Variants in BRINP1 observed in about 807,000 individuals in gnomAD.
The protein encoded by BRINP1 is BMP/retinoic acid-inducible neural-specific protein 1.
A neutral mutation model predicts 72.9 loss-of-function variants in BRINP1; 17 were observed. The observed-to-expected ratio is 0.23, with a 90% CI of 0.16 to 0.35. The LOEUF (loss-of-function observed/expected upper bound fraction) is 0.35, where lower values mean the gene tolerates loss of function less well. Among genes scored for constraint, BRINP1 ranks in the 10% least tolerant of loss-of-function variants. The probability of loss-of-function intolerance (pLI) is 1.00; values close to 1 mark genes in which losing one functional copy is unlikely to be tolerated. For synonymous variants in BRINP1, 418 were observed against 378.5 expected (o/e 1.10, Z -1.21); for missense variants, 850 against 1,001.6 (o/e 0.85, Z 2.04).
At chr9:119,298,630 C>T (rs573419811) in intron 2 of BRINP1, among the ~76,000 whole-genome samples, 1 of 152,284 alleles carries the variant, frequency 6.6e-6, no homozygotes, top group East Asian at 1.9e-4. Context: ...CTCTCAGCCC[C>T]TTGACCTATT....
chr9:119,279,363 C>T (rs602250), intron 2 of BRINP1, among the ~76,000 whole-genome samples: 74,350 of 152,036 alleles, frequency 0.49, 18,454 homozygotes, highest in Non-Finnish European at 0.5. Flanking sequence ...CACCTGCCCA[C>T]GCACGGTTCC....
chr9:119,257,574 C>T (rs1830458183), intron 2 of BRINP1, among the ~76,000 whole-genome samples: 1 of 152,184 alleles, frequency 6.6e-6, no homozygotes, highest in South Asian at 2.1e-4. Flanking sequence ...GTCGCATTAA[C>T]TAATCATTTG....
intron 1 of BRINP1, among the ~76,000 whole-genome samples, chr9:119,361,620 CTTTTTTTTGT>C (rs966157081): frequency 1.8e-4 from 25 of 140,236 alleles, no homozygotes; most frequent in African/African-American, 6.5e-4. Context: ...TCTTCTTCTT[CTTTTTTTTGT>C]TTTTTTTTCA....
At chr9:119,321,105 G>T (rs1587959947) in intron 1 of BRINP1, among the ~76,000 whole-genome samples, 1 of 152,114 alleles carries the variant, frequency 6.6e-6, no homozygotes, top group African/African-American at 2.4e-5. Flanking sequence ...TAATTTTTTG[G>T]TACTTTTAGT....
intron 6 of BRINP1, among the ~76,000 whole-genome samples, chr9:119,211,417 G>C (rs1336342965): frequency 6.6e-6 from 1 of 151,776 alleles, no homozygotes; most frequent in African/African-American, 2.4e-5. Context: ...GGCTGGTCTC[G>C]AACTCCTGAC....
At chr9:119,287,905 G>A (rs1286505848) in intron 2 of BRINP1, among the ~76,000 whole-genome samples, 1 of 152,048 alleles carries the variant, frequency 6.6e-6, no homozygotes, top group Non-Finnish European at 1.5e-5. Context: ...CTTAATACCT[G>A]GATGATGAAA....
intron 2 of BRINP1, among the ~76,000 whole-genome samples, chr9:119,261,114 GA>G (rs2118934576): frequency 6.6e-6 from 1 of 152,274 alleles, no homozygotes; most frequent in East Asian, 1.9e-4. Context: ...GCTGCTCTGG[GA>G]AGTAGAGGGG....
intron 2 of BRINP1, among the ~76,000 whole-genome samples, chr9:119,265,876 C>T (rs1198372362): frequency 6.6e-6 from 1 of 152,126 alleles, no homozygotes; most frequent in African/African-American, 2.4e-5. Context: ...AATCCTCAAC[C>T]TCCTCGCTCC....
intron 7 of BRINP1, among the ~76,000 whole-genome samples, chr9:119,173,611 T>C (rs1270201841): frequency 2.0e-5 from 3 of 151,568 alleles, no homozygotes; most frequent in East Asian, 1.9e-4. Context: ...AAGCTACCAA[T>C]GACTTTCTTC....
intron 7 of BRINP1, among the ~76,000 whole-genome samples, chr9:119,179,524 C>T (rs1013901169): frequency 1.3e-4 from 20 of 152,146 alleles, no homozygotes; most frequent in South Asian, 4.1e-4. Flanking sequence ...TTCTTTCTCA[C>T]GTTTAGGCCT....
chr9:119,278,490 G>A (rs1048839629), intron 2 of BRINP1, among the ~76,000 whole-genome samples: 2 of 152,202 alleles, frequency 1.3e-5, no homozygotes, highest in Non-Finnish European at 2.9e-5. Context: ...GCTCCAATGC[G>A]GGGATTCAAA....
chr9:119,242,948 A>T (rs941819779), intron 3 of BRINP1, among the ~76,000 whole-genome samples: 2 of 151,464 alleles, frequency 1.3e-5, no homozygotes, highest in Non-Finnish European at 2.9e-5. Context: ...ATTCTCTATC[A>T]ACTATGTGAA....
chr9:119,255,079 T>A (rs2118927717), intron 2 of BRINP1, among the ~76,000 whole-genome samples: 1 of 152,222 alleles, frequency 6.6e-6, no homozygotes, highest in African/African-American at 2.4e-5. Context: ...ACATGCCACC[T>A]TAAAAAAAAT....
intron 2 of BRINP1, among the ~76,000 whole-genome samples, chr9:119,302,799 C>G (rs1247431818): frequency 6.6e-6 from 1 of 152,112 alleles, no homozygotes; most frequent in Non-Finnish European, 1.5e-5. Context: ...GCAAGACCGG[C>G]TCAATGCCCT....
chr9:119,186,505 C>T (rs551693631), intron 7 of BRINP1, among the ~76,000 whole-genome samples: 1 of 152,154 alleles, frequency 6.6e-6, no homozygotes, highest in African/African-American at 2.4e-5. Context: ...AAAAGCCATG[C>T]CCAAGCTGGC....
chr9:119,255,949 C>T (rs1486042480), intron 2 of BRINP1, among the ~76,000 whole-genome samples: 2 of 106,870 alleles, frequency 1.9e-5, no homozygotes, highest in Non-Finnish European at 3.6e-5. Context: ...AGCAAGACTC[C>T]AGCTCAAAAA....
At chr9:119,289,649 C>T (rs1269987786) in intron 2 of BRINP1, among the ~76,000 whole-genome samples, 1 of 152,202 alleles carries the variant, frequency 6.6e-6, no homozygotes, top group African/African-American at 2.4e-5. Context: ...GATATAACCT[C>T]ACACAGAACC....
chr9:119,242,474 C>T (rs949099591), intron 3 of BRINP1, among the ~76,000 whole-genome samples: 2 of 152,240 alleles, frequency 1.3e-5, no homozygotes, highest in African/African-American at 4.8e-5. Flanking sequence ...TCATGCTTCT[C>T]ACCAGCATCA....
chr9:119,187,080 C>T (rs1829630498), intron 7 of BRINP1, among the ~76,000 whole-genome samples: 1 of 151,916 alleles, frequency 6.6e-6, no homozygotes, highest in Non-Finnish European at 1.5e-5. Context: ...TACATCGCTG[C>T]CATCTGGGCC....
Sources: allele counts gnomAD v4.1 joint callset (sites outside exome capture counted in the v4.1 genomes callset), GRCh38; gene constraint gnomAD v4.1.1; transcripts MANE v1.5; gene names NCBI Gene and HGNC (gene_info 2026-07-23, HGNC 2026-07-21).